The following RBFOX1 variants were observed in gnomAD, a reference collection of about 807,000 sequenced individuals.
RBFOX1 encodes the protein RNA binding protein fox-1 homolog 1.
Under a neutral mutation model 57.7 loss-of-function variants are expected in RBFOX1, and 8 were observed. That is an observed-to-expected ratio of 0.14 (90% CI 0.08 to 0.25). The LOEUF (loss-of-function observed/expected upper bound fraction) is 0.25, where lower values mean the gene tolerates loss of function less well. Among genes scored for constraint, RBFOX1 ranks in the 10% least tolerant of loss-of-function variants. The pLI, the probability that RBFOX1 is intolerant of heterozygous loss-of-function variation, is 1.00. For missense variants in RBFOX1, 611 were observed against 548.5 expected (o/e 1.11, Z -1.14); for synonymous variants, 326 against 222.4 (o/e 1.47, Z -4.15).
chr16:5,391,686 C>G (rs2066411996), intron 1 of RBFOX1, among the ~76,000 whole-genome samples: 1 of 152,120 alleles, frequency 6.6e-6, no homozygotes, highest in Non-Finnish European at 1.5e-5. Flanking sequence ...CCTAGGATCA[C>G]AGGTAGTGTC....
chr16:6,945,656 C>T lies in RBFOX1; in HGVS notation c.-15-106401C>T, dbSNP rs542335368. Among the ~76,000 whole-genome samples, 220 of 152,052 alleles carry T rather than the reference C, an allele frequency of 1.4e-3. 4 individuals carry two copies. Among genetic ancestry groups the T allele is most frequent in the Non-Finnish European group, 2.4e-3 (166 of 67,982 alleles). ...CTGTAATCCCAGCACTTTGGGAGGA[C>T]GAGGTGGGTGGATTACCTGAGGTCA... On this transcript the variant is annotated intron_variant, in intron 3 of 15. Coordinates refer to ENST00000550418, the MANE Select transcript of RBFOX1 (RefSeq NM_018723.4).
At chr16:6,752,151 C>G (rs144628481) in intron 3 of RBFOX1, among the ~76,000 whole-genome samples, 2 of 152,274 alleles carry the variant, frequency 1.3e-5, no homozygotes, top group African/African-American at 4.8e-5. Context: ...CCATTAGTTT[C>G]AAAGTACAGC....
intron 4 of RBFOX1, among the ~76,000 whole-genome samples, chr16:7,413,596 C>T (rs901549554): frequency 6.6e-6 from 1 of 152,024 alleles, no homozygotes; most frequent in South Asian, 2.1e-4. Flanking sequence ...CACCCCCCTG[C>T]CCCCTGCCTG....
chr16:7,207,126 A>G (rs1005767292), intron 4 of RBFOX1, among the ~76,000 whole-genome samples: 1 of 152,178 alleles, frequency 6.6e-6, no homozygotes, highest in Non-Finnish European at 1.5e-5. Context: ...ATCCATCTTC[A>G]TGGCATTTCT....
intron 2 of RBFOX1, among the ~76,000 whole-genome samples, chr16:6,555,044 GC>G (rs144813559): frequency 0.017 from 2,523 of 152,184 alleles, 81 homozygotes; most frequent in African/African-American, 0.057. Context: ...CTGGGGAGAG[GC>G]CCAGAATATT....
At chr16:5,786,493 A>T (rs1475826093) in intron 3 of RBFOX1, among the ~76,000 whole-genome samples, 1 of 152,118 alleles carries the variant, frequency 6.6e-6, no homozygotes, top group African/African-American at 2.4e-5. Flanking sequence ...GGATAAGGAG[A>T]TGTGCCGTGT....
At chr16:6,840,904 A>C (rs1239975290) in intron 3 of RBFOX1, among the ~76,000 whole-genome samples, 1 of 145,934 alleles carries the variant, frequency 6.9e-6, no homozygotes, top group Admixed American at 6.8e-5. Context: ...AAAAAAAAAA[A>C]CGAAAAAAGG....
intron 2 of RBFOX1, among the ~76,000 whole-genome samples, chr16:6,532,677 C>G (rs906095039): frequency 1.3e-5 from 2 of 152,160 alleles, no homozygotes; most frequent in Non-Finnish European, 2.9e-5. Flanking sequence ...GGACTGTGCA[C>G]TTTTCTGCTC....
intron 3 of RBFOX1, among the ~76,000 whole-genome samples, chr16:6,947,016 C>T (rs2093557478): frequency 6.6e-6 from 1 of 152,162 alleles, no homozygotes; most frequent in Non-Finnish European, 1.5e-5. Flanking sequence ...TTGAGCAAGT[C>T]CCTTCACCTC....
chr16:5,385,756 C>G (rs1305743892), intron 1 of RBFOX1, among the ~76,000 whole-genome samples: 2 of 152,166 alleles, frequency 1.3e-5, no homozygotes, highest in African/African-American at 2.4e-5. Flanking sequence ...TTTGTTATGA[C>G]CACCCTTCAC....
At chr16:5,743,127 T>C (rs567425779) in intron 3 of RBFOX1, among the ~76,000 whole-genome samples, 16 of 152,196 alleles carry the variant, frequency 1.1e-4, no homozygotes, top group Non-Finnish European at 2.2e-4. Context: ...TTCTGTATTG[T>C]GATTGGAAAG....
At chr16:6,493,892 T>C (rs1598182236) in intron 2 of RBFOX1, among the ~76,000 whole-genome samples, 1 of 152,342 alleles carries the variant, frequency 6.6e-6, no homozygotes, top group Non-Finnish European at 1.5e-5. Flanking sequence ...CAAGAAATCA[T>C]CTTTTTTTAT....
At chr16:7,701,715 A>G (rs1568555380) in intron 14 of RBFOX1, among the ~76,000 whole-genome samples, 1 of 151,200 alleles carries the variant, frequency 6.6e-6, no homozygotes, top group South Asian at 2.2e-4. Flanking sequence ...TCATTGCTCA[A>G]ATTAAAACTA....
At chr16:5,681,268 T>A (rs1305306944) in intron 3 of RBFOX1, among the ~76,000 whole-genome samples, 1 of 148,756 alleles carries the variant, frequency 6.7e-6, no homozygotes, top group Non-Finnish European at 1.5e-5. Flanking sequence ...GTATTTTTGG[T>A]AGAGACGGGG....
intron 2 of RBFOX1, among the ~76,000 whole-genome samples, chr16:6,335,904 G>T (rs1407026827): frequency 6.6e-6 from 1 of 150,408 alleles, no homozygotes; most frequent in Non-Finnish European, 1.5e-5. Flanking sequence ...GTCCATCATT[G>T]TTCTCCAGGT....
At chr16:5,531,140 A>G (rs142361186) in intron 2 of RBFOX1, among the ~76,000 whole-genome samples, 1 of 134,330 alleles carries the variant, frequency 7.4e-6, no homozygotes, top group East Asian at 2.0e-4. Context: ...ATAAAATAAA[A>G]TAAATAAAAT....
chr16:7,679,456 A>G (rs1203148790), intron 14 of RBFOX1, among the ~76,000 whole-genome samples: 1 of 152,226 alleles, frequency 6.6e-6, no homozygotes, highest in Non-Finnish European at 1.5e-5. Context: ...AAGTAAAATC[A>G]GCAGGCATTG....
chr16:5,452,900 G>A (rs2068471157), intron 1 of RBFOX1, among the ~76,000 whole-genome samples: 1 of 152,098 alleles, frequency 6.6e-6, no homozygotes, highest in Admixed American at 6.6e-5. Flanking sequence ...CCAAAGTGCT[G>A]GGATTACAGG....
At chr16:5,499,730 G>T (rs774135799) in intron 2 of RBFOX1, among the ~76,000 whole-genome samples, 6 of 151,858 alleles carry the variant, frequency 4.0e-5, no homozygotes, top group African/African-American at 1.5e-4. Context: ...CCACCACCAC[G>T]CCTGGCTAAT....
Sources: allele counts gnomAD v4.1 joint callset (sites outside exome capture counted in the v4.1 genomes callset), GRCh38; gene constraint gnomAD v4.1.1; transcripts MANE v1.5; gene names NCBI Gene and HGNC (gene_info 2026-07-23, HGNC 2026-07-21).